The following PSD2 variants were observed in gnomAD, a reference collection of about 807,000 sequenced individuals.
PSD2 encodes the protein pleckstrin and Sec7 domain containing 2, also known as PH and SEC7 domain-containing protein 2.
A neutral mutation model predicts 69.8 loss-of-function variants in PSD2; 38 were observed. That is an observed-to-expected ratio of 0.54 (90% CI 0.42 to 0.71). PSD2 has a LOEUF of 0.71. PSD2 is among the 30% of genes least tolerant of loss of function. The pLI is 0.00. For synonymous variants in PSD2, 412 were observed against 423.0 expected (o/e 0.97, Z 0.32); for missense variants, 943 against 1,014.5 (o/e 0.93, Z 0.96).
intron 4 of PSD2, among the ~76,000 whole-genome samples, chr5:139,816,401 T>C (rs1322244379): frequency 6.6e-6 from 1 of 152,230 alleles, no homozygotes; most frequent in Non-Finnish European, 1.5e-5. Flanking sequence ...GATTGGTCTG[T>C]TAAGTCTCTT....
Position 139,840,312 on chromosome 5 carries a change from G to C in PSD2, c.2112+142G>C, listed in dbSNP as rs1165496921. The C allele has an allele frequency of 5.5e-6, 5 of 905,976 alleles. No individual in the cohort carries two copies. The Admixed American group carries it at 1.4e-4, about 25-fold the overall frequency. 56.1% of individuals were successfully genotyped at this position (905,976 alleles called of 1,614,324 possible). A position where few individuals can be genotyped will look rare whatever the true frequency, so the allele number is the denominator to read the frequency against. On this transcript the variant is annotated intron_variant, in intron 14 of 14. Coordinates refer to ENST00000274710, the MANE Select transcript of PSD2 (RefSeq NM_032289.4). ...GAGCTGGGAGGGAACAGGGTCCCCT[G>C]ACCTTTAGTCCCCAGTCCTTCCAGA...
At chr5:139,829,900 G>A (rs530713508) in intron 7 of PSD2, among the ~76,000 whole-genome samples, 1 of 151,950 alleles carries the variant, frequency 6.6e-6, no homozygotes, top group African/African-American at 2.4e-5. Flanking sequence ...ACTTTTTGAG[G>A]AAGTGCCCAA....
the PSD2 span, chr5:139,744,790 A>G: frequency 6.6e-6 from 1 of 152,190 alleles, no homozygotes; most frequent in African/African-American, 2.4e-5. Context: ...GGACTTGGCA[A>G]TCTTGTCCCT....
At position 139,836,917 on chromosome 5, in the gene PSD2, G is replaced by A; in HGVS notation, c.1510G>A (p.Asp504Asn). The A allele has an allele frequency of 6.2e-7, 1 of 1,614,204 alleles. No individual in the cohort carries two copies. Among genetic ancestry groups the A allele is most frequent in the South Asian group, 1.1e-5 (1 of 91,084 alleles). The change falls in exon 10 of 15, where the codon GAT becomes AAT. Residue 504 changes from aspartate to asparagine, a missense_variant. Asp to Asn is a conservative substitution (Grantham distance 23). This residue lies in a region of PSD2 where 312 missense variants were observed against 400.7 expected (regional missense o/e 0.78). Coordinates refer to ENST00000274710, the MANE Select transcript of PSD2 (RefSeq NM_032289.4). ...RILDGGNPFL[D>N]VPQALSATTY... Reference sequence around the variant, plus strand: ...CCTGGATGGTGGCAACCCCTTCCTGGATGTCCCACAGGCGCTCAGTGCCAC... The same window carrying A: ...CCTGGATGGTGGCAACCCCTTCCTGAATGTCCCACAGGCGCTCAGTGCCAC...
At chr5:139,802,373 A>G (rs1329088501) in intron 1 of PSD2, among the ~76,000 whole-genome samples, 1 of 151,832 alleles carries the variant, frequency 6.6e-6, no homozygotes, top group Non-Finnish European at 1.5e-5. Flanking sequence ...TCAGAGGTGG[A>G]GCTCTCTCAG....
At chr5:139,743,120 C>T in the PSD2 span, among the ~76,000 whole-genome samples, 1 of 152,316 alleles carries the variant, frequency 6.6e-6, no homozygotes, top group South Asian at 2.1e-4. Flanking sequence ...TTTCCTCCTC[C>T]TGGGCCTAGG....
the PSD2 span, among the ~76,000 whole-genome samples, chr5:139,752,627 C>T: frequency 2.6e-5 from 4 of 152,174 alleles, no homozygotes; most frequent in Non-Finnish European, 5.9e-5. Flanking sequence ...ACTCTCCCCC[C>T]ACCACAGGCA....
At chr5:139,768,804 A>G in the PSD2 span, among the ~76,000 whole-genome samples, 8 of 152,026 alleles carry the variant, frequency 5.3e-5, no homozygotes, top group South Asian at 6.2e-4. Context: ...TAAAGAGCCA[A>G]TCGGGCCTGC....
At chr5:139,792,574 G>A (rs1759432327), upstream of PSD2, among the ~76,000 whole-genome samples, 1 of 152,106 alleles carries the variant, frequency 6.6e-6, no homozygotes, top group Admixed American at 6.5e-5. Flanking sequence ...AGGAGGCGGG[G>A]TGGGGGAGGA....
rs143654800 is a variant in PSD2 at position 139,829,653 on chromosome 5, G to A, written c.1270-4049G>A. Among the ~76,000 whole-genome samples, 66 of 152,274 alleles carry A rather than the reference G, an allele frequency of 4.3e-4. No homozygotes were observed. The East Asian group carries it at 0.011, about 26-fold the overall frequency. ...GTTTTCAAGATTCATTCATGTTGTC[G>A]CATGTATTAGTAGTTCATTTTTTAT... On this transcript the variant is annotated intron_variant, in intron 7 of 14. Transcript: ENST00000274710.
In PSD2 at chr5:139,837,284, T is replaced by G; in HGVS notation, c.1665+46T>G. On this transcript the variant is annotated intron_variant, in intron 11 of 14. Transcript: ENST00000274710. The surrounding 1 kb of genome is among the most constrained non-coding windows in gnomAD (Gnocchi z 5.0). ...CCTTACTCAGAAAGGGCCAGCTCAGTCCCATCCCGCCCTGGCCTTGTGGCA... is the reference window on the plus strand; with the variant it reads ...CCTTACTCAGAAAGGGCCAGCTCAGGCCCATCCCGCCCTGGCCTTGTGGCA... 1 of 1,581,038 alleles carries G rather than the reference T, an allele frequency of 6.3e-7. No homozygotes were observed. Among genetic ancestry groups the G allele is most frequent in the Non-Finnish European group, 8.6e-7 (1 of 1,157,146 alleles).
the PSD2 span, among the ~76,000 whole-genome samples, chr5:139,766,952 T>TCTTTCTTTCTTTCTTTCTTC: frequency 9.8e-5 from 13 of 132,856 alleles, no homozygotes; most frequent in Non-Finnish European, 2.1e-4. Context: ...TTTCTTTCTT[T>TCTTTCTTTCTTTCTTTCTTC]CTTTCTTTCT....
At chr5:139,751,038 C>T in the PSD2 span, among the ~76,000 whole-genome samples, 1 of 152,130 alleles carries the variant, frequency 6.6e-6, no homozygotes, top group Non-Finnish European at 1.5e-5. Flanking sequence ...TATTCAGGGC[C>T]CCAAATGTTC....
At chr5:139,764,562 G>C in the PSD2 span, among the ~76,000 whole-genome samples, 1 of 152,140 alleles carries the variant, frequency 6.6e-6, no homozygotes, top group Non-Finnish European at 1.5e-5. Flanking sequence ...GTCAGGATGC[G>C]GCAGCGTCTC....
At chr5:139,824,394 G>A (rs978808711) in intron 7 of PSD2, among the ~76,000 whole-genome samples, 1 of 119,430 alleles carries the variant, frequency 8.4e-6, no homozygotes, top group Non-Finnish European at 1.7e-5. Flanking sequence ...TCTCTCTCTT[G>A]TTTTTTTTTT....
At chr5:139,797,068 C>T (rs750999364) in intron 1 of PSD2, among the ~76,000 whole-genome samples, 4 of 152,158 alleles carry the variant, frequency 2.6e-5, no homozygotes, top group African/African-American at 4.8e-5. Context: ...CAAACCCAAC[C>T]CGTGGCCCAG....
Position 139,842,214 on chromosome 5 carries a change from G to A in PSD2, c.2113-57G>A, listed in dbSNP as rs984591321. 131 of 1,425,450 alleles carry A rather than the reference G, an allele frequency of 9.2e-5. 5 individuals carry two copies. In the South Asian group the frequency reaches 1.5e-3, roughly 16 times the overall value. 88.3% of individuals were successfully genotyped at this position (1,425,450 alleles called of 1,614,324 possible). On this transcript the variant is annotated intron_variant, in intron 14 of 14. Transcript: ENST00000274710. ...AAATTAGTCTTTTGTCATATAAGGT[G>A]CACATACTTTTTTCCTATTTTGTTG...
At chr5:139,838,059 C>T (rs1053241817) in intron 12 of PSD2, among the ~76,000 whole-genome samples, 9 of 152,222 alleles carry the variant, frequency 5.9e-5, no homozygotes, top group Admixed American at 2.0e-4. Context: ...CTGCTGAGTG[C>T]GCTGGAGTCT....
At chr5:139,767,072 A>T in the PSD2 span, among the ~76,000 whole-genome samples, 8 of 149,750 alleles carry the variant, frequency 5.3e-5, no homozygotes, top group Admixed American at 5.4e-4. Context: ...GGCTCACTGC[A>T]AGCTCTGCCT....
Sources: allele counts gnomAD v4.1 joint callset (sites outside exome capture counted in the v4.1 genomes callset), GRCh38; gene constraint gnomAD v4.1.1; regional missense constraint gnomAD v4.1.1; non-coding constraint Gnocchi (gnomAD v3.1); transcripts MANE v1.5; gene names NCBI Gene and HGNC (gene_info 2026-07-23, HGNC 2026-07-21).